Variants in ITCH observed in about 807,000 individuals in gnomAD.
The protein encoded by ITCH is E3 ubiquitin-protein ligase Itchy homolog.
ITCH carries 28 observed loss-of-function variants against 126.8 expected under a neutral mutation model. The ratio of observed to expected loss-of-function variants is 0.22; its 90% CI spans 0.16 to 0.30. The LOEUF (loss-of-function observed/expected upper bound fraction) is 0.30, where lower values mean the gene tolerates loss of function less well. ITCH is among the 10% of genes least tolerant of loss of function. The probability of loss-of-function intolerance (pLI) is 1.00; values close to 1 mark genes in which losing one functional copy is unlikely to be tolerated. For missense variants in ITCH, 631 were observed against 1,032.4 expected, an observed-to-expected ratio of 0.61 and a Z score of 5.33; for synonymous variants, 342 against 340.0, an observed-to-expected ratio of 1.01 and a Z score of -0.06.
intron 2 of ITCH, among the ~76,000 whole-genome samples, chr20:34,373,970 C>T (rs777158970): frequency 1.5e-4 from 23 of 151,946 alleles, no homozygotes; most frequent in Non-Finnish European, 2.2e-4. Context: ...CTGTAATCTC[C>T]GTCTCCCAGG....
At position 34,507,938 on chromosome 20, in the gene ITCH, T is replaced by G; in HGVS notation, c.*144T>G. ...GTAAATTAATGTTCTCATTTAGATT[T>G]ATCTCCCAGTGATTTCTACTCAGCG... is the stretch of plus-strand genomic sequence containing the variant. On this transcript the variant is annotated 3_prime_UTR_variant, in exon 25 of 25. Transcript: ENST00000374864. 1 of 670,582 alleles carries G rather than the reference T, an allele frequency of 1.5e-6. No individual in the cohort carries two copies. Among genetic ancestry groups the G allele is most frequent in the Non-Finnish European group, 2.7e-6 (1 of 370,304 alleles). The allele number at this position is 670,582 out of a possible 1,614,324, so 41.5% of individuals were successfully genotyped here. A position where few individuals can be genotyped will look rare whatever the true frequency, so the allele number is the denominator to read the frequency against.
chr20:34,477,945 T>C, intron 17 of ITCH, 85 bp downstream of exon 17: 1 of 1,557,872 alleles, frequency 6.4e-7, no homozygotes, highest in Non-Finnish European at 8.8e-7. Context: ...ATTTTCTCAA[T>C]CTTATATTTT....
chr20:34,412,438 C>A, intron 4 of ITCH, 77 bp from the exon 5 acceptor site: 2 of 1,168,116 alleles, frequency 1.7e-6, no homozygotes, highest in Non-Finnish European at 2.5e-6. Context: ...GACTTTAAAA[C>A]TGAATTGTAA....
At chr20:34,446,624 T>C (rs897437186) in intron 11 of ITCH, among the ~76,000 whole-genome samples, 1 of 152,218 alleles carries the variant, frequency 6.6e-6, no homozygotes, top group African/African-American at 2.4e-5. Context: ...TACTTTACCC[T>C]TCTTTTCATT....
chr20:34,387,718 T>C (rs2146048682), intron 2 of ITCH, among the ~76,000 whole-genome samples: 1 of 152,240 alleles, frequency 6.6e-6, no homozygotes, highest in Non-Finnish European at 1.5e-5. Flanking sequence ...TTTTTTTTCT[T>C]TTTTGAGATG....
At chr20:34,439,005 C>G (rs753619637) in intron 8 of ITCH, among the ~76,000 whole-genome samples, 30 of 151,970 alleles carry the variant, frequency 2.0e-4, no homozygotes, top group Non-Finnish European at 4.0e-4. Flanking sequence ...AGTTAGTAAA[C>G]GAAAACCCAA....
chr20:34,416,086 C>T (rs1170024491), intron 6 of ITCH, among the ~76,000 whole-genome samples: 1 of 149,602 alleles, frequency 6.7e-6, no homozygotes, highest in African/African-American at 2.5e-5. Context: ...AGTGCCACTG[C>T]ACTCTATCCT....
intron 16 of ITCH, chr20:34,476,097 CT>C (rs1365981413): frequency 3.1e-6 from 3 of 956,348 alleles, no homozygotes; most frequent in Non-Finnish European, 5.2e-6. Flanking sequence ...TTGCATCTAA[CT>C]TCTCATATAT....
chr20:34,488,945 A>G (rs912018631), intron 20 of ITCH, among the ~76,000 whole-genome samples: 3 of 152,288 alleles, frequency 2.0e-5, no homozygotes, highest in African/African-American at 7.2e-5. Context: ...AGGCCGAGGT[A>G]GGAGGATTGC....
chr20:34,457,613 A>G, intron 13 of ITCH, 139 bp downstream of exon 13: 2 of 679,780 alleles, frequency 2.9e-6, no homozygotes, highest in Non-Finnish European at 5.2e-6. Flanking sequence ...AGAGAAAATT[A>G]TACTATTATT....
chr20:34,383,290 T>G (rs781467397), intron 2 of ITCH, among the ~76,000 whole-genome samples: 38 of 151,642 alleles, frequency 2.5e-4, no homozygotes, highest in Non-Finnish European at 4.6e-4. Flanking sequence ...GCGACCCTCC[T>G]ACCTTGACCT....
chr20:34,470,704 TGCCTCA>T (rs1987539462), intron 15 of ITCH, among the ~76,000 whole-genome samples: 1 of 152,130 alleles, frequency 6.6e-6, no homozygotes, highest in African/African-American at 2.4e-5. Flanking sequence ...GTGATCCTCT[TGCCTCA>T]GCCTTCTCGC....
intron 20 of ITCH, among the ~76,000 whole-genome samples, chr20:34,483,383 G>GC (rs1988893981): frequency 6.6e-6 from 1 of 152,078 alleles, no homozygotes; most frequent in East Asian, 1.9e-4. Flanking sequence ...TTAACAGCAC[G>GC]CAAGTCTCCT....
intron 3 of ITCH, 67 bp downstream of exon 3, chr20:34,393,948 A>C (rs2038577125): frequency 1.4e-6 from 2 of 1,452,956 alleles, no homozygotes; most frequent in African/African-American, 2.8e-5. Context: ...TAATCCTGAG[A>C]GGGCCAGGCA....
chr20:34,407,273 A>G (rs2039092266), intron 3 of ITCH, among the ~76,000 whole-genome samples: 2 of 151,942 alleles, frequency 1.3e-5, no homozygotes, highest in Non-Finnish European at 2.9e-5. Flanking sequence ...TATCATTATT[A>G]TTATTATTTT....
At chr20:34,445,241 G>GT in intron 10 of ITCH, 46 bp from the exon 11 acceptor site, 2 of 1,578,530 alleles carry the variant, frequency 1.3e-6, no homozygotes, top group Non-Finnish European at 1.7e-6. Flanking sequence ...TGTTTCACAA[G>GT]TATTTGTTGA....
intron 2 of ITCH, among the ~76,000 whole-genome samples, chr20:34,391,571 T>G (rs1247111473): frequency 1.3e-5 from 2 of 152,230 alleles, no homozygotes; most frequent in Non-Finnish European, 2.9e-5. Context: ...ATATGCCAAT[T>G]GATAATATAC....
Position 34,494,155 on chromosome 20 carries a change from G to A in ITCH, c.2416+1558G>A, listed in dbSNP as rs557442504. Among the ~76,000 whole-genome samples the A allele has an allele frequency of 1.2e-4, 18 of 152,302 alleles. 1 individual carries two copies. In the South Asian group the frequency reaches 2.1e-3, roughly 18 times the overall value. On this transcript the variant is annotated intron_variant, in intron 23 of 24. Transcript: ENST00000374864. ...GAGGCAGGGAGAATCGCTTGAACCC[G>A]GGAGGCAGAGGTTGCAGTGAGCTGA...
At position 34,422,814 on chromosome 20, in the gene ITCH, A is replaced by G. The variant is rs578044147; in HGVS notation, c.476-1666A>G. Among the ~76,000 whole-genome samples the G allele has an allele frequency of 1.2e-4, 18 of 149,278 alleles. No individual in the cohort carries two copies. In the East Asian group the frequency reaches 3.3e-3, roughly 28 times the overall value. On this transcript the variant is annotated intron_variant, in intron 6 of 24. Transcript: ENST00000374864. ...ACTAATCTGTATTTTTTTTTTTTTG[A>G]GACGGAGTTTCACTCTGTCGCCCAG...
Sources: gnomAD v4.1 joint callset for allele counts (sites outside exome capture counted in the v4.1 genomes callset) on GRCh38, gnomAD v4.1.1 for gene constraint, MANE v1.5 for transcripts, NCBI Gene and HGNC (gene_info 2026-07-23, HGNC 2026-07-21) for gene names.